PDE10A: variants seen among roughly 807,000 people sequenced by gnomAD.
PDE10A encodes the protein phosphodiesterase 10A, also known as cAMP and cAMP-inhibited cGMP 3',5'-cyclic phosphodiesterase 10A.
Under a neutral mutation model 97.7 loss-of-function variants are expected in PDE10A, and 39 were observed. The ratio of observed to expected loss-of-function variants is 0.40; its 90% CI spans 0.31 to 0.52. PDE10A has a LOEUF of 0.52. Ranked by LOEUF, PDE10A falls within the 20% of genes least tolerant of loss-of-function variation. The pLI is 0.56. For missense variants in PDE10A, 731 were observed against 1,047.8 expected (o/e 0.70, Z 4.17); for synonymous variants, 371 against 376.8 (o/e 0.98, Z 0.18).
intron 1 of PDE10A, among the ~76,000 whole-genome samples, chr6:165,910,194 CAT>C (rs1445192774): frequency 6.6e-6 from 1 of 152,078 alleles, no homozygotes; most frequent in Non-Finnish European, 1.5e-5. Context: ...GGTGCAGAGA[CAT>C]AGAGATGGGG....
intron 20 of PDE10A, among the ~76,000 whole-genome samples, chr6:165,337,954 A>G (rs1781747473): frequency 6.6e-6 from 1 of 152,220 alleles, no homozygotes; most frequent in Non-Finnish European, 1.5e-5. Context: ...AAATATATTT[A>G]CTCTCAAGAT....
Position 165,784,231 on chromosome 6 carries a change from A to AG in PDE10A, c.-615+203297_-615+203298insC, listed in dbSNP as rs200725680. Among the ~76,000 whole-genome samples the AG allele has an allele frequency of 7.2e-3, 1,075 of 150,270 alleles. 11 individuals are homozygous for AG. Among genetic ancestry groups the AG allele is most frequent in the African/African-American group, 0.026 (1,038 of 39,938 alleles). On this transcript the variant is annotated intron_variant, in intron 1 of 19. Coordinates refer to the PDE10A transcript ENST00000366882. Reference sequence around the variant, plus strand: ...ATGCGAGACTCCATCTCAAAAAAAAAAAAAGAAAAAAGAAATAAAAAGAAA... The same window carrying AG: ...ATGCGAGACTCCATCTCAAAAAAAAAGAAAAGAAAAAAGAAATAAAAAGAAA...
At chr6:165,856,595 T>C (rs1260958940) in intron 1 of PDE10A, among the ~76,000 whole-genome samples, 2 of 152,222 alleles carry the variant, frequency 1.3e-5, no homozygotes, top group Non-Finnish European at 2.9e-5. Flanking sequence ...AACTCTGGCT[T>C]CTCCTAAGTT....
chr6:165,682,166 C>A (rs1363086246), intron 1 of PDE10A, among the ~76,000 whole-genome samples: 1 of 152,194 alleles, frequency 6.6e-6, no homozygotes, highest in East Asian at 1.9e-4. Flanking sequence ...CGGTCTCACT[C>A]TGTCACCCAG....
chr6:165,665,607 C>T (rs866863338), upstream of PDE10A, among the ~76,000 whole-genome samples: 1 of 151,638 alleles, frequency 6.6e-6, no homozygotes. Context: ...AGAGCGATGG[C>T]AGAAATTCAC....
intron 1 of PDE10A, among the ~76,000 whole-genome samples, chr6:165,613,817 C>A (rs1787605622): frequency 6.6e-6 from 1 of 152,176 alleles, no homozygotes; most frequent in African/African-American, 2.4e-5. Context: ...CCTTCAGACT[C>A]CAACATTAAC....
At chr6:165,983,830 A>C (rs1583397001) in intron 1 of PDE10A, among the ~76,000 whole-genome samples, 1 of 152,360 alleles carries the variant, frequency 6.6e-6, no homozygotes, top group East Asian at 1.9e-4. Flanking sequence ...GCAGTTTCTT[A>C]ATCATGGGTA....
At chr6:165,416,125 G>T (rs907832987) in intron 12 of PDE10A, 64 bp downstream of exon 12, 5 of 1,049,466 alleles carry the variant, frequency 4.8e-6, no homozygotes, top group Non-Finnish European at 7.5e-6. Context: ...CCACGGAAGA[G>T]GTTTCAGCTG....
At chr6:165,685,088 T>C (rs1301562207) in intron 1 of PDE10A, among the ~76,000 whole-genome samples, 6 of 152,226 alleles carry the variant, frequency 3.9e-5, no homozygotes, top group Non-Finnish European at 8.8e-5. Context: ...TGATATAAAC[T>C]ACCTTGCTCT....
At chr6:165,945,652 A>G (rs915871682) in intron 1 of PDE10A, among the ~76,000 whole-genome samples, 11 of 152,302 alleles carry the variant, frequency 7.2e-5, no homozygotes, top group African/African-American at 2.4e-4. Flanking sequence ...ACAAACCAGG[A>G]AGAGAAACTG....
chr6:165,491,647 T>C (rs1160873857), intron 2 of PDE10A, among the ~76,000 whole-genome samples: 2 of 151,898 alleles, frequency 1.3e-5, no homozygotes, highest in South Asian at 2.1e-4. Context: ...TGAATGATCA[T>C]TGGGTTTGAA....
At chr6:165,626,582 A>C (rs990944578) in intron 1 of PDE10A, among the ~76,000 whole-genome samples, 12 of 152,258 alleles carry the variant, frequency 7.9e-5, no homozygotes, top group African/African-American at 2.9e-4. Flanking sequence ...AACACTTTCC[A>C]ATCTTTCACA....
intron 8 of PDE10A, 83 bp from the exon 9 acceptor site, chr6:165,430,428 T>C: frequency 1.2e-6 from 1 of 825,258 alleles, no homozygotes; most frequent in South Asian, 1.6e-5. Context: ...ATTACCTTAT[T>C]TATTGAAAGA....
chr6:165,464,209 C>T (rs975633184), intron 3 of PDE10A, among the ~76,000 whole-genome samples: 1 of 152,154 alleles, frequency 6.6e-6, no homozygotes, highest in Non-Finnish European at 1.5e-5. Context: ...CACACAAACA[C>T]ACACATAGGT....
chr6:165,931,056 C>A (rs1783118646), intron 1 of PDE10A, among the ~76,000 whole-genome samples: 1 of 152,212 alleles, frequency 6.6e-6, no homozygotes. Context: ...CAGATGGGGA[C>A]CTCGCGCATT....
At chr6:165,511,072 G>A (rs1781479239) in intron 2 of PDE10A, among the ~76,000 whole-genome samples, 1 of 151,668 alleles carries the variant, frequency 6.6e-6, no homozygotes. Context: ...ACTACTTCTA[G>A]ATTTAGTTTA....
intron 1 of PDE10A, among the ~76,000 whole-genome samples, chr6:165,811,533 A>T (rs1779283371): frequency 6.6e-6 from 1 of 151,912 alleles, no homozygotes; most frequent in African/African-American, 2.4e-5. Context: ...TGGTCCACTC[A>T]TTTCTGCTGC....
intron 1 of PDE10A, among the ~76,000 whole-genome samples, chr6:165,830,578 C>G (rs1583161122): frequency 6.6e-6 from 1 of 152,096 alleles, no homozygotes; most frequent in Non-Finnish European, 1.5e-5. Flanking sequence ...AGTGTGCACA[C>G]CGGGAGTTAC....
chr6:165,449,759 T>C (rs573518405), intron 4 of PDE10A, among the ~76,000 whole-genome samples: 1 of 152,316 alleles, frequency 6.6e-6, no homozygotes, highest in East Asian at 1.9e-4. Context: ...ACAATTGTCA[T>C]AGTGGGTATC....
Sources: gnomAD v4.1 joint callset for allele counts (sites outside exome capture counted in the v4.1 genomes callset) on GRCh38, gnomAD v4.1.1 for gene constraint, MANE v1.5 for transcripts, NCBI Gene and HGNC (gene_info 2026-07-23, HGNC 2026-07-21) for gene names.